MMS22L: variants seen among roughly 807,000 people sequenced by gnomAD.
The protein encoded by MMS22L is MMS22 like, DNA repair protein.
A neutral mutation model predicts 159.1 loss-of-function variants in MMS22L; 74 were observed. That is an observed-to-expected ratio of 0.47 (90% confidence interval 0.39 to 0.56). The LOEUF (loss-of-function observed/expected upper bound fraction) is 0.56, where lower values mean the gene tolerates loss of function less well. Ranked by LOEUF, MMS22L falls within the 20% of genes least tolerant of loss-of-function variation. The probability of loss-of-function intolerance (pLI) is 0.00; values close to 1 mark genes in which losing one functional copy is unlikely to be tolerated. For missense variants in MMS22L, 1,351 were observed against 1,422.1 expected, an observed-to-expected ratio of 0.95 and a Z score of 0.80; for synonymous variants, 517 against 506.9, an observed-to-expected ratio of 1.02 and a Z score of -0.27.
intron 4 of MMS22L, among the ~76,000 whole-genome samples, chr6:97,277,801 TCTTA>T (rs1328595343): frequency 1.3e-5 from 2 of 152,192 alleles, no homozygotes; most frequent in Non-Finnish European, 2.9e-5. Context: ...TCCTACTCCC[TCTTA>T]CTGACAAGCC....
intron 19 of MMS22L, among the ~76,000 whole-genome samples, chr6:97,171,140 G>A (rs1229349326): frequency 2.0e-5 from 3 of 152,074 alleles, no homozygotes; most frequent in African/African-American, 7.2e-5. Context: ...TTTAACTAAT[G>A]TATCCCTAAC....
At position 97,231,640 on chromosome 6, in the gene MMS22L, T is replaced by G. The variant is rs922931747; in HGVS notation, c.1315A>C (p.Ser439Arg). The G allele has an allele frequency of 6.2e-7, 1 of 1,601,796 alleles. No individual in the cohort carries two copies. The highest frequency in any genetic ancestry group is 1.1e-5 in the South Asian group (1 of 90,392). ...CCTTTAAAAGGAAGCCAAGAAATAC[T>G]GAAGGAACTATTCTAAAAGGGGGGA... ...YYSKNLNSSF[S>R]ISWLPFKGLA... Residue 439 changes from serine (S) to arginine (R), a missense_variant, in exon 13 of 25, where the codon AGT becomes CGT. Coordinates refer to ENST00000683635, the MANE Select transcript of MMS22L (RefSeq NM_001350599.2).
intron 14 of MMS22L, among the ~76,000 whole-genome samples, chr6:97,223,140 A>G (rs1809829932): frequency 6.6e-6 from 1 of 152,116 alleles, no homozygotes; most frequent in Non-Finnish European, 1.5e-5. Flanking sequence ...TGAAGTTATT[A>G]TTCCTAAACA....
intron 14 of MMS22L, among the ~76,000 whole-genome samples, chr6:97,224,575 A>C (rs1476855554): frequency 1.3e-5 from 2 of 151,552 alleles, no homozygotes; most frequent in Non-Finnish European, 1.5e-5. Context: ...AAAAAAAAAA[A>C]CTTACAAAAT....
At chr6:97,149,749 C>A in intron 24 of MMS22L, 104 bp downstream of exon 24, 1 of 1,183,310 alleles carries the variant, frequency 8.5e-7, no homozygotes, top group Non-Finnish European at 1.1e-6. Context: ...CTCAAAAGAA[C>A]ATACCCAAAT....
In MMS22L at chr6:97,231,510, G is replaced by A. The variant is rs1810860564; in HGVS notation, c.1445C>T (p.Thr482Ile). The A allele has an allele frequency of 6.2e-7, 1 of 1,613,692 alleles. No individual in the cohort carries two copies. Among genetic ancestry groups the A allele is most frequent in the East Asian group, 2.2e-5 (1 of 44,824 alleles). The change falls in exon 13 of 25, where the codon ACT becomes ATT. Residue 482 changes from threonine to isoleucine, a missense_variant. Transcript: ENST00000683635. The stretch of plus-strand genomic sequence containing the variant: ...TTTTGCCAGAATACAAAGAAAAATA[G>A]TATAACTACTGCTGGATTTATATAG... ...QELYKSSSSYTIFLCILAKVV... is the reference protein window; with the variant it reads ...QELYKSSSSYIIFLCILAKVV...
rs769898506 is a variant in MMS22L at position 97,270,022 on chromosome 6, G to T, written c.607-30C>A. 5.5e-5 allele frequency: 84 copies of T among 1,529,534 alleles called. No homozygotes were observed. In the South Asian group the frequency reaches 7.7e-4, roughly 14 times the overall value. 94.7% of individuals were successfully genotyped at this position (1,529,534 alleles called of 1,614,324 possible). A position where few individuals can be genotyped will look rare whatever the true frequency, so the allele number is the denominator to read the frequency against. Reference sequence around the variant, plus strand: ...GGATGACATTATCAACTGTGATTGAGAATTCATTAATATTTTACTAGGTAT... The same window carrying T: ...GGATGACATTATCAACTGTGATTGATAATTCATTAATATTTTACTAGGTAT... On this transcript the variant is annotated intron_variant, in intron 6 of 24. Transcript: ENST00000683635.
At chr6:97,229,843 C>G (rs1810666956) in intron 13 of MMS22L, among the ~76,000 whole-genome samples, 1 of 152,228 alleles carries the variant, frequency 6.6e-6, no homozygotes, top group Non-Finnish European at 1.5e-5. Flanking sequence ...CCCTGCACCC[C>G]CTCACGAACA....
chr6:97,225,889 T>C (rs1810195189), intron 14 of MMS22L, among the ~76,000 whole-genome samples: 1 of 152,144 alleles, frequency 6.6e-6, no homozygotes, highest in Non-Finnish European at 1.5e-5. Context: ...TATCTTAGAA[T>C]GCTTTTCTAA....
intron 14 of MMS22L, among the ~76,000 whole-genome samples, chr6:97,190,241 T>C (rs2128285613): frequency 6.6e-6 from 1 of 152,346 alleles, no homozygotes; most frequent in South Asian, 2.1e-4. Context: ...TTCTAGGTGA[T>C]GGCTGTTTTA....
At chr6:97,266,967 A>G (rs923906657) in intron 8 of MMS22L, 1 of 152,202 alleles carries the variant, frequency 6.6e-6, no homozygotes, top group African/African-American at 2.4e-5. Flanking sequence ...GAAAATCACT[A>G]GAAGCATAGA....
At chr6:97,184,296 CCCTAAGGCCCAGT>C in intron 15 of MMS22L, among the ~76,000 whole-genome samples, 1 of 152,238 alleles carries the variant, frequency 6.6e-6, no homozygotes, top group South Asian at 2.1e-4. Context: ...CAAAGGAATA[CCCTAAGGCCCAGT>C]CCTCAAACTT....
At chr6:97,165,085 T>C (rs1247360081) in intron 21 of MMS22L, among the ~76,000 whole-genome samples, 161 bp downstream of exon 21, 1 of 152,092 alleles carries the variant, frequency 6.6e-6, no homozygotes, top group Non-Finnish European at 1.5e-5. Flanking sequence ...CATAAGCAAA[T>C]GTCATTTTAA....
chr6:97,202,269 T>C (rs1442815358), intron 14 of MMS22L, among the ~76,000 whole-genome samples: 1 of 152,212 alleles, frequency 6.6e-6, no homozygotes, highest in South Asian at 2.1e-4. Context: ...ATAGATTTCA[T>C]ACAGATGGCT....
chr6:97,186,680 G>A lies in MMS22L; in HGVS notation c.2050C>T (p.Gln684Ter). ...CTTTGAAGTTCCTGACACAATTGTTGATGCATACTCCTAAAAAGAAATAAA... is the reference window on the plus strand; with the variant it reads ...CTTTGAAGTTCCTGACACAATTGTTAATGCATACTCCTAAAAAGAAATAAA... ...AVLARIRSMH[Q>*]QLCQELQRDN... is the part of the protein sequence containing the mutation. The change falls in exon 15 of 25, where the codon CAA becomes TAA. Residue 684 changes from glutamine to a stop codon, truncating the protein, a stop_gained. Coordinates refer to ENST00000683635, the MANE Select transcript of MMS22L (RefSeq NM_001350599.2). LOFTEE classifies it high-confidence loss of function. 1 of 1,550,330 alleles carries A rather than the reference G, an allele frequency of 6.5e-7. No individual in the cohort carries two copies. Among genetic ancestry groups the A allele is most frequent in the South Asian group, 1.2e-5 (1 of 81,330 alleles).
At chr6:97,270,957 A>AT (rs1041984454) in intron 6 of MMS22L, 16 of 152,182 alleles carry the variant, frequency 1.1e-4, no homozygotes, top group African/African-American at 3.6e-4. Flanking sequence ...ACGGAAAAAT[A>AT]TAACTATCTA....
At chr6:97,233,752 A>G in intron 12 of MMS22L, 109 bp downstream of exon 12, 1 of 1,228,204 alleles carries the variant, frequency 8.1e-7, no homozygotes, top group Non-Finnish European at 1.1e-6. Flanking sequence ...AAAAAAATTA[A>G]CTTTTTAAGA....
intron 9 of MMS22L, among the ~76,000 whole-genome samples, chr6:97,257,251 TTGTTA>T (rs956016175): frequency 6.6e-6 from 1 of 152,342 alleles, no homozygotes; most frequent in Non-Finnish European, 1.5e-5. Flanking sequence ...TTTCCATCTT[TTGTTA>T]TATTATGCAT....
chr6:97,150,502 T>C (rs552590511), intron 23 of MMS22L, among the ~76,000 whole-genome samples: 8 of 152,274 alleles, frequency 5.3e-5, no homozygotes, highest in East Asian at 3.9e-4. Context: ...TTTAGACCCA[T>C]AGAAGGTCTT....
Sources: allele counts gnomAD v4.1 joint callset (sites outside exome capture counted in the v4.1 genomes callset), GRCh38; gene constraint gnomAD v4.1.1; transcripts MANE v1.5; gene names NCBI Gene and HGNC (gene_info 2026-07-23, HGNC 2026-07-21).